The following RIGI variants were observed in gnomAD, a reference collection of about 807,000 sequenced individuals.
The protein encoded by RIGI is RNA sensor RIG-I, also known as antiviral innate immune response receptor RIG-I.
the RIGI span, chr9:32,473,215 A>G: frequency 2.2e-6 from 1 of 452,648 alleles, no homozygotes; most frequent in South Asian, 3.0e-5. Context: ...GCATTTTGGA[A>G]TTGAACTCTA....
the RIGI span, among the ~76,000 whole-genome samples, chr9:32,477,662 C>G: frequency 2.0e-5 from 3 of 152,174 alleles, no homozygotes; most frequent in Non-Finnish European, 2.9e-5. Flanking sequence ...TGGTGGCTCA[C>G]ACCTGTAATC....
At chr9:32,461,630 C>T in the RIGI span, among the ~76,000 whole-genome samples, 1 of 152,142 alleles carries the variant, frequency 6.6e-6, no homozygotes, top group South Asian at 2.1e-4. Flanking sequence ...CAGGCCTGCC[C>T]AGCACAGGGT....
the RIGI span, among the ~76,000 whole-genome samples, chr9:32,524,606 T>C: frequency 5.6e-5 from 7 of 125,998 alleles, no homozygotes; most frequent in South Asian, 5.5e-4. Flanking sequence ...GTTTTTTTTT[T>C]TTTTTTTTTT....
the RIGI span, chr9:32,481,608 C>CCTCGAGGA: frequency 1.3e-6 from 1 of 786,202 alleles, no homozygotes; most frequent in Non-Finnish European, 1.9e-6. Context: ...TTCCTCGAGG[C>CCTCGAGGA]AGAGTCTCGC....
the RIGI span, among the ~76,000 whole-genome samples, chr9:32,512,831 A>T: frequency 1.3e-5 from 2 of 152,238 alleles, no homozygotes; most frequent in South Asian, 4.1e-4. Context: ...CCATCATCTC[A>T]GCCCAAAATC....
the RIGI span, among the ~76,000 whole-genome samples, chr9:32,479,836 CAAA>C: frequency 2.7e-5 from 3 of 111,634 alleles, no homozygotes. Context: ...GACTCCATCT[CAAA>C]AAAAAAAAAA....
At chr9:32,498,139 A>G in the RIGI span, among the ~76,000 whole-genome samples, 1 of 152,172 alleles carries the variant, frequency 6.6e-6, no homozygotes, top group African/African-American at 2.4e-5. Flanking sequence ...TCTTCCTGAT[A>G]AGAGACCACC....
chr9:32,504,198 A>G, the RIGI span, among the ~76,000 whole-genome samples: 1 of 152,222 alleles, frequency 6.6e-6, no homozygotes, highest in Admixed American at 6.5e-5. Context: ...ACTAGCGTCA[A>G]TAATCACAAT....
chr9:32,477,096 G>T, the RIGI span: 1 of 1,614,014 alleles, frequency 6.2e-7, no homozygotes, highest in South Asian at 1.1e-5. Context: ...TCATTGCTGG[G>T]ATCCCTGGAA....
chr9:32,469,241 C>CT, the RIGI span, among the ~76,000 whole-genome samples: 2 of 152,170 alleles, frequency 1.3e-5, no homozygotes, highest in Non-Finnish European at 2.9e-5. Context: ...TGAGCTATAA[C>CT]TTTTATTTTG....
At chr9:32,515,021 GCA>G in the RIGI span, among the ~76,000 whole-genome samples, 2 of 152,126 alleles carry the variant, frequency 1.3e-5, no homozygotes, top group African/African-American at 4.8e-5. Context: ...TTTAAATGCT[GCA>G]CAGAGTTTTA....
the RIGI span, among the ~76,000 whole-genome samples, chr9:32,507,223 C>A: frequency 6.6e-6 from 1 of 152,070 alleles, no homozygotes; most frequent in Non-Finnish European, 1.5e-5. Context: ...ACAGAGCCTA[C>A]AAATTTGAAA....
At chr9:32,466,504 T>C in the RIGI span, 7 of 1,416,292 alleles carry the variant, frequency 4.9e-6, no homozygotes, top group Admixed American at 1.6e-4. Context: ...AATCTGCAAA[T>C]AGGTAAACAA....
chr9:32,489,505 G>A, the RIGI span: 47 of 1,118,742 alleles, frequency 4.2e-5, no homozygotes, highest in South Asian at 1.3e-4. Flanking sequence ...GAGGAATCAC[G>A]GCAATAGCTA....
the RIGI span, among the ~76,000 whole-genome samples, chr9:32,521,854 A>T: frequency 6.6e-6 from 1 of 152,210 alleles, no homozygotes; most frequent in Non-Finnish European, 1.5e-5. Context: ...AACAGAAAAA[A>T]AAATTTCCTT....
the RIGI span, among the ~76,000 whole-genome samples, chr9:32,512,407 G>T: frequency 9.9e-5 from 15 of 152,126 alleles, no homozygotes; most frequent in Admixed American, 9.2e-4. Context: ...TACAAGGCTG[G>T]TTCAACATAT....
the RIGI span, among the ~76,000 whole-genome samples, chr9:32,463,867 A>G: frequency 2.0e-5 from 1 of 50,244 alleles, no homozygotes; most frequent in African/African-American, 6.2e-5. Context: ...AAAGAAAAAC[A>G]GCTTCCTCCT....
chr9:32,467,135 A>G, the RIGI span, among the ~76,000 whole-genome samples: 27 of 152,296 alleles, frequency 1.8e-4, no homozygotes, highest in East Asian at 1.9e-3. Context: ...AGTTCCGTCA[A>G]CAAGCAATAA....
At chr9:32,518,728 C>T in the RIGI span, among the ~76,000 whole-genome samples, 1 of 152,222 alleles carries the variant, frequency 6.6e-6, no homozygotes, top group Admixed American at 6.5e-5. Flanking sequence ...CCAGATATAG[C>T]AACAACCAAA....
Sources: allele counts gnomAD v4.1 joint callset (sites outside exome capture counted in the v4.1 genomes callset), GRCh38; gene constraint gnomAD v4.1.1; transcripts MANE v1.5; gene names NCBI Gene and HGNC (gene_info 2026-07-23, HGNC 2026-07-21).